Variants in RBFOX3 observed in about 807,000 individuals in gnomAD.
The protein encoded by RBFOX3 is RNA binding protein fox-1 homolog 3.
Under a neutral mutation model 48.7 loss-of-function variants are expected in RBFOX3, and 17 were observed. That is an observed-to-expected ratio of 0.35 (90% CI 0.24 to 0.52). The LOEUF (loss-of-function observed/expected upper bound fraction) is 0.52. Among genes scored for constraint, RBFOX3 ranks in the 20% least tolerant of loss-of-function variants. The pLI is 0.94. For missense variants in RBFOX3, 382 were observed against 497.5 expected (o/e 0.77, Z 2.21); for synonymous variants, 212 against 209.5 (o/e 1.01, Z -0.10).
chr17:79,444,540 C>T (rs1401850762), intron 2 of RBFOX3, among the ~76,000 whole-genome samples: 1 of 152,144 alleles, frequency 6.6e-6, no homozygotes, highest in Non-Finnish European at 1.5e-5. Flanking sequence ...CAGCCTCCCT[C>T]ACCAAACCTC....
At chr17:79,607,534 C>T (rs1035010438) in intron 1 of RBFOX3, among the ~76,000 whole-genome samples, 39 of 152,350 alleles carry the variant, frequency 2.6e-4, no homozygotes, top group African/African-American at 8.9e-4. Flanking sequence ...ACCACCACCA[C>T]TCTGGCGCTT....
intron 4 of RBFOX3, among the ~76,000 whole-genome samples, chr17:79,141,642 G>T (rs534398627): frequency 6.6e-6 from 1 of 152,272 alleles, no homozygotes; most frequent in South Asian, 2.1e-4. Context: ...GGTCGGGCAG[G>T]CTAGAGCTTG....
chr17:79,618,042 T>C, the RBFOX3 span, among the ~76,000 whole-genome samples: 1 of 152,208 alleles, frequency 6.6e-6, no homozygotes, highest in African/African-American at 2.4e-5. Context: ...CAGAGGAGGA[T>C]GAACCACTTG....
chr17:79,213,135 G>A (rs1372902168), intron 4 of RBFOX3, among the ~76,000 whole-genome samples: 1 of 152,312 alleles, frequency 6.6e-6, no homozygotes, highest in East Asian at 1.9e-4. Flanking sequence ...GGGATTACAG[G>A]TGTGAGCTAC....
At chr17:79,251,497 C>T (rs1300528083) in intron 3 of RBFOX3, among the ~76,000 whole-genome samples, 3 of 152,182 alleles carry the variant, frequency 2.0e-5, no homozygotes, top group African/African-American at 7.2e-5. Context: ...CAACCCTTCC[C>T]CCTCCCTTGT....
intron 1 of RBFOX3, among the ~76,000 whole-genome samples, chr17:79,565,817 C>T (rs2092433772): frequency 6.6e-6 from 1 of 152,144 alleles, no homozygotes. Context: ...TGAATGCAAC[C>T]CAAGACCACT....
chr17:79,234,769 G>A (rs1380745205), intron 4 of RBFOX3: 3 of 109,626 alleles, frequency 2.7e-5, no homozygotes, highest in Non-Finnish European at 5.0e-5. Context: ...GTCTTGCTCT[G>A]TTGACCAGGC....
intron 2 of RBFOX3, among the ~76,000 whole-genome samples, chr17:79,377,368 C>T (rs147298664): frequency 4.5e-4 from 68 of 151,996 alleles, no homozygotes; most frequent in African/African-American, 1.2e-3. Context: ...CACTTGTAAA[C>T]GGAAACACAT....
intron 2 of RBFOX3, among the ~76,000 whole-genome samples, chr17:79,339,256 G>A (rs932380000): frequency 1.3e-5 from 2 of 152,040 alleles, no homozygotes; most frequent in African/African-American, 2.4e-5. Flanking sequence ...GGGTTTTGCT[G>A]TGTTGCCCAG....
chr17:79,635,869 G>A, the RBFOX3 span, among the ~76,000 whole-genome samples: 2 of 152,216 alleles, frequency 1.3e-5, no homozygotes, highest in African/African-American at 4.8e-5. Flanking sequence ...AGCAAGTTAC[G>A]ATTATTAAGT....
At chr17:79,279,936 C>T (rs576943048) in intron 3 of RBFOX3, among the ~76,000 whole-genome samples, 9 of 152,280 alleles carry the variant, frequency 5.9e-5, no homozygotes, top group South Asian at 4.2e-4. Context: ...AGAGGCACCG[C>T]GTGTCTGTGT....
At chr17:79,380,519 C>A (rs543592335) in intron 2 of RBFOX3, among the ~76,000 whole-genome samples, 58 of 152,276 alleles carry the variant, frequency 3.8e-4, no homozygotes, top group African/African-American at 1.4e-3. Flanking sequence ...CTGCCCAGAG[C>A]CTCCTTGGCC....
At chr17:79,140,536 C>A (rs117896512) in intron 4 of RBFOX3, among the ~76,000 whole-genome samples, 2 of 152,238 alleles carry the variant, frequency 1.3e-5, no homozygotes, top group Admixed American at 6.5e-5. Flanking sequence ...ATGGCCCAGG[C>A]GGTGACAGTC....
At chr17:79,438,700 G>C (rs146021502) in intron 2 of RBFOX3, among the ~76,000 whole-genome samples, 4 of 152,316 alleles carry the variant, frequency 2.6e-5, no homozygotes. Context: ...GCCTACAATC[G>C]GACTAGGTCA....
At chr17:79,504,116 C>A (rs1217440689) in intron 1 of RBFOX3, among the ~76,000 whole-genome samples, 3 of 152,204 alleles carry the variant, frequency 2.0e-5, no homozygotes, top group Admixed American at 6.5e-5. Flanking sequence ...AAAGACATCA[C>A]CTGCTTAGGC....
At chr17:79,340,723 A>C (rs1322342766) in intron 2 of RBFOX3, among the ~76,000 whole-genome samples, 1 of 150,456 alleles carries the variant, frequency 6.6e-6, no homozygotes, top group Non-Finnish European at 1.5e-5. Flanking sequence ...CCGATGAATG[A>C]AAAAAAAAAG....
chr17:79,263,102 C>T (rs985657713), intron 3 of RBFOX3, among the ~76,000 whole-genome samples: 6 of 152,214 alleles, frequency 3.9e-5, no homozygotes, highest in Non-Finnish European at 5.9e-5. Context: ...CCAGGCCTAG[C>T]GTGCCCCTCC....
Position 79,390,357 on chromosome 17 carries a change from G to A in RBFOX3, c.-174-82533C>T, listed in dbSNP as rs1340695152. Among the ~76,000 whole-genome samples, 1 of 152,132 alleles carries A rather than the reference G, an allele frequency of 6.6e-6. No individual in the cohort carries two copies. The highest frequency in any genetic ancestry group is 1.5e-5 in the Non-Finnish European group (1 of 68,036). ...CTTTGCCACGCTGTGGTTTCATCACGACCATCACGGCCAGGTGACGGGTTC... is the reference window on the plus strand; with the variant it reads ...CTTTGCCACGCTGTGGTTTCATCACAACCATCACGGCCAGGTGACGGGTTC... On this transcript the variant is annotated intron_variant, in intron 2 of 14. Coordinates refer to ENST00000693108, the MANE Select transcript of RBFOX3 (RefSeq NM_001350451.2). The surrounding 1 kb of genome is among the most constrained non-coding windows in gnomAD (Gnocchi z 4.2).
intron 3 of RBFOX3, among the ~76,000 whole-genome samples, chr17:79,275,921 C>T (rs138920694): frequency 7.3e-4 from 111 of 152,352 alleles, no homozygotes; most frequent in Admixed American, 2.8e-3. Flanking sequence ...TAGCTGCACA[C>T]GCGTATTCAT....
Sources: gnomAD v4.1 joint callset for allele counts (sites outside exome capture counted in the v4.1 genomes callset) on GRCh38, gnomAD v4.1.1 for gene constraint, Gnocchi (gnomAD v3.1) non-coding constraint, MANE v1.5 for transcripts, NCBI Gene and HGNC (gene_info 2026-07-23, HGNC 2026-07-21) for gene names.